Variants in LCTL observed in about 807,000 individuals in gnomAD.
LCTL encodes lactase-like protein.
A neutral mutation model predicts 75.8 loss-of-function variants in LCTL; 76 were observed. The observed-to-expected ratio is 1.00, with a 90% CI of 0.83 to 1.21. LCTL has a LOEUF of 1.21. LCTL is among the 50% of genes most tolerant of loss of function. The pLI is 0.00. For missense variants in LCTL, 670 were observed against 712.4 expected (o/e 0.94, Z 0.68); for synonymous variants, 271 against 268.8 (o/e 1.01, Z -0.08).
At chr15:66,555,361 G>A (rs1033590779) in intron 8 of LCTL, among the ~76,000 whole-genome samples, 4 of 151,456 alleles carry the variant, frequency 2.6e-5, no homozygotes, top group South Asian at 4.2e-4. Flanking sequence ...TTCGAACATG[G>A]TGAAACCCCA....
At chr15:66,552,000 A>G in intron 10 of LCTL, 43 bp downstream of exon 11, 1 of 1,591,628 alleles carries the variant, frequency 6.3e-7, no homozygotes, top group Non-Finnish European at 8.5e-7. Context: ...ATTTTGTCTC[A>G]GTTAAACGGG....
intron 4 of LCTL, among the ~76,000 whole-genome samples, chr15:66,562,825 C>T (rs1230822533): frequency 6.6e-6 from 1 of 152,162 alleles, no homozygotes; most frequent in East Asian, 1.9e-4. Flanking sequence ...TTCAGGTGAT[C>T]CACCCACCTC....
upstream of LCTL, chr15:66,565,503 C>G (rs964399780): frequency 1.7e-6 from 1 of 599,974 alleles, no homozygotes; most frequent in Non-Finnish European, 2.9e-6. Flanking sequence ...TGATCTGCAC[C>G]CAGCAGCAGA....
chr15:66,556,063 A>G (rs936594151), intron 8 of LCTL, among the ~76,000 whole-genome samples: 12 of 152,168 alleles, frequency 7.9e-5, no homozygotes, highest in Non-Finnish European at 2.9e-5. Flanking sequence ...GGAATGTAAA[A>G]TGGTACACCC....
chr15:66,551,716 T>G lies in LCTL; in HGVS notation c.1470A>C (p.Ser490=), dbSNP rs1039984729. ...TGATAATCTTCTTGTAATATTGAACTGAAGCCTTTGGATAGCGAGGCTTAT... is the reference window on the plus strand; with the variant it reads ...TGATAATCTTCTTGTAATATTGAACGGAAGCCTTTGGATAGCGAGGCTTAT... The change falls in exon 11 of 13, where the codon TCA becomes TCC. Residue 490 remains serine, a synonymous_variant. Coordinates refer to ENST00000341509, the Ensembl canonical transcript of LCTL. 2.4e-5 allele frequency: 38 copies of G among 1,614,034 alleles called. 1 individual carries two copies. Among genetic ancestry groups the G allele is most frequent in the Non-Finnish European group, 3.1e-5 (37 of 1,179,994 alleles).
At position 66,560,998 on chromosome 15, in the gene LCTL, C is replaced by G. The variant is rs749820778; in HGVS notation, c.705+8G>C. 5 of 1,613,446 alleles carry G rather than the reference C, an allele frequency of 3.1e-6. No individual in the cohort carries two copies. In the Admixed American group the frequency reaches 8.3e-5, roughly 27 times the overall value. ...AGGCTGTTCCTCCACCAGAAGGACCCACCTCACCTTAATGATGTGGTGTGC... is the reference window on the plus strand; with the variant it reads ...AGGCTGTTCCTCCACCAGAAGGACCGACCTCACCTTAATGATGTGGTGTGC... On this transcript the variant is annotated splice_region_variant and intron_variant, in intron 6 of 12. Coordinates refer to ENST00000341509, the Ensembl canonical transcript of LCTL.
At position 66,557,818 on chromosome 15, in the gene LCTL, G is replaced by A. The variant is rs761210038; in HGVS notation, c.826C>T (p.Leu276=). ...TGTAGGTATCTCTCGGCAGCCTCTA[G>A]GTCCTTGGGGTTACTAATGTCCACA... The change falls in exon 8 of 13, where the codon CTA becomes TTA. Residue 276 remains leucine, a synonymous_variant. Transcript: ENST00000341509. The A allele has an allele frequency of 1.2e-5, 19 of 1,614,150 alleles. No homozygotes were observed. The South Asian group carries it at 2.0e-4, about 17-fold the overall frequency.
intron 12 of LCTL, 179 bp from the exon 14 acceptor site, chr15:66,548,784 A>G (rs1000815299): frequency 4.7e-6 from 2 of 427,854 alleles, no homozygotes; most frequent in Non-Finnish European, 8.4e-6. Context: ...TGAAAATGTT[A>G]TAAGAGCTTT....
intron 11 of LCTL, among the ~76,000 whole-genome samples, chr15:66,550,890 G>T (rs751151309): frequency 3.7e-4 from 57 of 152,256 alleles, no homozygotes; most frequent in Admixed American, 9.2e-4. Flanking sequence ...GATGCTAAAG[G>T]ATTACTAAGT....
exon 10 of LCTL, chr15:66,552,058 T>G (rs1446080711): frequency 6.2e-7 from 1 of 1,610,466 alleles, no homozygotes; most frequent in Non-Finnish European, 8.5e-7. Flanking sequence ...AGCATTTCAT[T>G]TATGTATCCT....
At chr15:66,549,077 T>C (rs759317773) in intron 12 of LCTL, 1 of 152,764 alleles carries the variant, frequency 6.5e-6, no homozygotes, top group Non-Finnish European at 1.5e-5. Flanking sequence ...TAATAATCTT[T>C]TTAAGAGTTA....
In LCTL at chr15:66,561,038, C is replaced by A. The variant is rs753737192; in HGVS notation, c.673G>T (p.Gly225Cys). ...ATGTGGTGTGCTGCCTTGTACAGGC[C>A]GGTGCCGCGGAGCTTCAGGCCCGGC... The change falls in exon 6 of 13, where the codon GGC becomes TGC. Residue 225 changes from glycine (G) to cysteine (C), a missense_variant. Transcript: ENST00000341509. 5 of 1,614,116 alleles carry A rather than the reference C, an allele frequency of 3.1e-6. No homozygotes were observed. The South Asian group carries it at 5.5e-5, about 18-fold the overall frequency.
chr15:66,557,697 C>T (rs1327094530), intron 8 of LCTL, 25 bp downstream of exon 9: 1 of 1,605,166 alleles, frequency 6.2e-7, no homozygotes, highest in South Asian at 1.1e-5. Flanking sequence ...CTAGTATCTG[C>T]AGTTTAAAAT....
At position 66,565,385 on chromosome 15, in the gene LCTL, T is replaced by A. The variant is rs1373949125; in HGVS notation, c.-20A>T. ...CTTCATGGTGCCTGGCCCTCCCCCATACCTGAAAAAGTGCAGCTGGCTCTG... is the reference window on the plus strand; with the variant it reads ...CTTCATGGTGCCTGGCCCTCCCCCAAACCTGAAAAAGTGCAGCTGGCTCTG... On this transcript the variant is annotated 5_prime_UTR_variant, in exon 1 of 13. It removes an upstream start codon present in the reference 5' UTR. Transcript: ENST00000341509. The A allele has an allele frequency of 2.0e-6, 3 of 1,493,210 alleles. No individual in the cohort carries two copies. The highest frequency in any genetic ancestry group is 2.4e-5 in the South Asian group (2 of 85,066). The allele number at this position is 1,493,210 out of a possible 1,614,324, so 92.5% of individuals were successfully genotyped here.
At position 66,561,013 on chromosome 15, in the gene LCTL, A is replaced by T. The variant is rs1370845933; in HGVS notation, c.698T>A (p.Ile233Asn). The change falls in exon 6 of 13, where the codon ATC becomes AAC. Residue 233 changes from isoleucine to asparagine, a missense_variant. Coordinates refer to ENST00000341509, the Ensembl canonical transcript of LCTL. ...CAGAAGGACCCACCTCACCTTAATGATGTGGTGTGCTGCCTTGTACAGGCC... is the reference window on the plus strand; with the variant it reads ...CAGAAGGACCCACCTCACCTTAATGTTGTGGTGTGCTGCCTTGTACAGGCC... The T allele has an allele frequency of 1.9e-6, 3 of 1,613,858 alleles. 1 individual carries two copies. The highest frequency in any genetic ancestry group is 2.2e-5 in the South Asian group (2 of 91,074).
intron 8 of LCTL, among the ~76,000 whole-genome samples, chr15:66,554,288 CAAA>C (rs547806774): frequency 9.2e-5 from 4 of 43,414 alleles, no homozygotes; most frequent in East Asian, 7.7e-4. Flanking sequence ...AAGACTGTCT[CAAA>C]AAAAAAAAAA....
At chr15:66,558,185 A>AGAGG in intron 6 of LCTL, 149 bp from the exon 8 acceptor site, 2 of 567,236 alleles carry the variant, frequency 3.5e-6, no homozygotes, top group Non-Finnish European at 5.8e-6. Flanking sequence ...TCTTTCCTCT[A>AGAGG]ACTTCTTGAG....
intron 8 of LCTL, among the ~76,000 whole-genome samples, chr15:66,556,129 A>C (rs761701390): frequency 6.6e-6 from 1 of 152,228 alleles, no homozygotes; most frequent in Non-Finnish European, 1.5e-5. Flanking sequence ...GGAATTTTTC[A>C]TATGACCCAG....
intron 4 of LCTL, among the ~76,000 whole-genome samples, chr15:66,562,321 C>T (rs1393206666): frequency 2.0e-5 from 3 of 151,164 alleles, no homozygotes; most frequent in Non-Finnish European, 4.4e-5. Context: ...GAGAATCACT[C>T]GAACCCAGGA....
Sources: allele counts gnomAD v4.1 joint callset (sites outside exome capture counted in the v4.1 genomes callset), GRCh38; gene constraint gnomAD v4.1.1; transcripts MANE v1.5; gene names NCBI Gene and HGNC (gene_info 2026-07-23, HGNC 2026-07-21).